Variants in NEGR1 observed in about 807,000 individuals in gnomAD.
NEGR1 encodes the protein IgLON family member 4.
Under a neutral mutation model 40.9 loss-of-function variants are expected in NEGR1, and 10 were observed. That is an observed-to-expected ratio of 0.24 (90% CI 0.15 to 0.42). The LOEUF (loss-of-function observed/expected upper bound fraction) is 0.42. Ranked by LOEUF, NEGR1 falls within the 10% of genes least tolerant of loss-of-function variation. The pLI is 1.00. For synonymous variants in NEGR1, 185 were observed against 166.8 expected (o/e 1.11, Z -0.84); for missense variants, 352 against 438.9 (o/e 0.80, Z 1.77).
chr1:71,881,713 A>G (rs1485368992), intron 2 of NEGR1, among the ~76,000 whole-genome samples: 2 of 152,120 alleles, frequency 1.3e-5, no homozygotes, highest in African/African-American at 4.8e-5. Context: ...TATGAGTATC[A>G]CATGACTTTC....
intron 6 of NEGR1, among the ~76,000 whole-genome samples, chr1:71,502,860 A>G (rs1023249214): frequency 1.3e-5 from 2 of 152,196 alleles, no homozygotes; most frequent in Admixed American, 6.5e-5. Flanking sequence ...CAGAGTCCCA[A>G]TCCATGGTTC....
At chr1:71,712,169 G>T (rs929473135) in intron 3 of NEGR1, among the ~76,000 whole-genome samples, 1 of 152,082 alleles carries the variant, frequency 6.6e-6, no homozygotes, top group Admixed American at 6.5e-5. Flanking sequence ...TTTACTTTAT[G>T]TAAATATAAA....
At chr1:72,076,186 T>A (rs559553791) in intron 1 of NEGR1, among the ~76,000 whole-genome samples, 30 of 152,300 alleles carry the variant, frequency 2.0e-4, no homozygotes, top group Non-Finnish European at 3.7e-4. Flanking sequence ...TATGTTGGAA[T>A]CTTAATGTGA....
rs866785049 is a variant in NEGR1, at chr1:71,580,007, C to T, written c.940+12810G>A. ...AAGAGATGTGGCACACACATGCACA[C>T]GTATGCTCATTGCGGCATTATTCAC... On this transcript the variant is annotated intron_variant, in intron 6 of 6. Transcript: ENST00000357731. Among the ~76,000 whole-genome samples the T allele has an allele frequency of 3.9e-5, 6 of 152,212 alleles. No homozygotes were observed. In the Middle Eastern group the frequency reaches 0.01, roughly 259 times the overall value.
intron 1 of NEGR1, among the ~76,000 whole-genome samples, chr1:72,053,357 AT>A (rs71586971): frequency 0.44 from 65,422 of 148,508 alleles, 14,690 homozygotes; most frequent in Admixed American, 0.5. Context: ...ATAATTTAGG[AT>A]TTTTTTTTTT....
chr1:71,826,823 T>C (rs1413366118), intron 2 of NEGR1, among the ~76,000 whole-genome samples: 1 of 151,914 alleles, frequency 6.6e-6, no homozygotes, highest in East Asian at 1.9e-4. Flanking sequence ...TAAAATGAAA[T>C]GACTCCTTTT....
chr1:71,784,579 T>C (rs550588128), intron 2 of NEGR1, among the ~76,000 whole-genome samples: 24 of 152,246 alleles, frequency 1.6e-4, no homozygotes, highest in African/African-American at 5.3e-4. Flanking sequence ...TTCTAAATGG[T>C]AGTGATCAAG....
chr1:71,447,248 A>G (rs1216444469), intron 6 of NEGR1, among the ~76,000 whole-genome samples: 1 of 152,168 alleles, frequency 6.6e-6, no homozygotes, highest in Admixed American at 6.5e-5. Context: ...AAGTCCTTGG[A>G]AAAATTGTAA....
intron 1 of NEGR1, among the ~76,000 whole-genome samples, chr1:72,100,333 G>A (rs1483485249): frequency 1.3e-5 from 2 of 152,126 alleles, no homozygotes; most frequent in African/African-American, 4.8e-5. Context: ...GCTTAAAATT[G>A]ATTTTCTCTG....
At chr1:71,553,934 T>C (rs1648167578) in intron 6 of NEGR1, among the ~76,000 whole-genome samples, 1 of 151,526 alleles carries the variant, frequency 6.6e-6, no homozygotes, top group South Asian at 2.1e-4. Flanking sequence ...AATATCTTCA[T>C]CATAGAACAT....
chr1:71,559,019 G>GTGTGTATATATATATATATATA (rs377263417), intron 6 of NEGR1, among the ~76,000 whole-genome samples: 2 of 114,088 alleles, frequency 1.8e-5, no homozygotes, highest in East Asian at 4.0e-4. Flanking sequence ...CTGTGTGTGT[G>GTGTGTATATATATATATATATA]TATATATATA....
At chr1:72,153,644 TATAA>T (rs1651249682) in intron 1 of NEGR1, among the ~76,000 whole-genome samples, 1 of 151,894 alleles carries the variant, frequency 6.6e-6, no homozygotes, top group Non-Finnish European at 1.5e-5. Flanking sequence ...TATATTAGTG[TATAA>T]ATAGTGATTG....
chr1:71,972,817 G>T (rs1221524134), intron 1 of NEGR1, among the ~76,000 whole-genome samples: 1 of 152,062 alleles, frequency 6.6e-6, no homozygotes, highest in Non-Finnish European at 1.5e-5. Flanking sequence ...TTCCCCAGTT[G>T]ATTCTTCACT....
At chr1:71,898,433 T>C (rs568102298) in intron 2 of NEGR1, among the ~76,000 whole-genome samples, 5 of 151,952 alleles carry the variant, frequency 3.3e-5, no homozygotes, top group South Asian at 2.1e-4. Context: ...GGCTAACACA[T>C]TGAAACCCCG....
At chr1:72,100,487 A>C (rs1224643393) in intron 1 of NEGR1, among the ~76,000 whole-genome samples, 1 of 152,182 alleles carries the variant, frequency 6.6e-6, no homozygotes, top group African/African-American at 2.4e-5. Context: ...TTTTGATTCT[A>C]CTCTAGAACA....
intron 1 of NEGR1, among the ~76,000 whole-genome samples, chr1:72,221,483 G>A (rs1654009642): frequency 6.6e-6 from 1 of 152,064 alleles, no homozygotes; most frequent in Non-Finnish European, 1.5e-5. Context: ...CGGGAAGCAT[G>A]AGCAATAACA....
intron 1 of NEGR1, among the ~76,000 whole-genome samples, chr1:72,244,721 T>A (rs920711440): frequency 2.6e-5 from 4 of 151,960 alleles, no homozygotes; most frequent in African/African-American, 9.7e-5. Context: ...TGGTCACATA[T>A]TTGTCAATCA....
rs191698220 is a variant in NEGR1 at position 71,407,584 on chromosome 1, G to A, written c.941-14C>T. The A allele has an allele frequency of 4.6e-4, 740 of 1,610,272 alleles. 4 individuals are homozygous for A. Among genetic ancestry groups the A allele is most frequent in the South Asian group, 2.1e-3 (192 of 90,716 alleles). The stretch of plus-strand genomic sequence containing the variant: ...CTGTACTTGGAGCTGGAAAGAAATG[G>A]AAAAGATTAAATCAAAATCTAATTT... On this transcript the variant is annotated splice_polypyrimidine_tract_variant and intron_variant, in intron 6 of 6. Transcript: ENST00000357731.
At chr1:71,745,010 G>T (rs571111826) in intron 3 of NEGR1, among the ~76,000 whole-genome samples, 5 of 152,128 alleles carry the variant, frequency 3.3e-5, no homozygotes, top group African/African-American at 1.2e-4. Flanking sequence ...TGAACTTTCT[G>T]TTTTTTCCAT....
Sources: gnomAD v4.1 joint callset for allele counts (sites outside exome capture counted in the v4.1 genomes callset) on GRCh38, gnomAD v4.1.1 for gene constraint, MANE v1.5 for transcripts, NCBI Gene and HGNC (gene_info 2026-07-23, HGNC 2026-07-21) for gene names.